Variants in ACO1 observed in about 807,000 individuals in gnomAD.
ACO1 encodes cytoplasmic aconitate hydratase.
Under a neutral mutation model 105.1 loss-of-function variants are expected in ACO1, and 78 were observed. The observed-to-expected ratio is 0.74, with a 90% CI of 0.62 to 0.90. The LOEUF is 0.90. Ranked by LOEUF, ACO1 falls within the 40% of genes least tolerant of loss-of-function variation. The pLI is 0.00. For missense variants in ACO1, 965 were observed against 1,111.1 expected, an observed-to-expected ratio of 0.87 and a Z score of 1.87; for synonymous variants, 364 against 397.4, an observed-to-expected ratio of 0.92 and a Z score of 1.00.
intron 1 of ACO1, among the ~76,000 whole-genome samples, chr9:32,387,118 C>T (rs1821171559): frequency 6.6e-6 from 1 of 152,166 alleles, no homozygotes; most frequent in South Asian, 2.1e-4. Context: ...CCTTCTTTCC[C>T]CCACTCTTCC....
intron 8 of ACO1, among the ~76,000 whole-genome samples, chr9:32,421,912 T>TTAG (rs1043018902): frequency 1.4e-4 from 21 of 152,314 alleles, no homozygotes; most frequent in African/African-American, 5.1e-4. Flanking sequence ...CAAATAAATC[T>TTAG]TAGTCTTCTG....
intron 1 of ACO1, among the ~76,000 whole-genome samples, chr9:32,386,067 A>T (rs1821151262): frequency 1.3e-5 from 2 of 152,232 alleles, no homozygotes; most frequent in South Asian, 4.1e-4. Flanking sequence ...AAGGCTTCGC[A>T]CATGCCTTTG....
rs1413881713 is a variant in ACO1, at chr9:32,453,706, G to A, written c.*3595G>A. The stretch of plus-strand genomic sequence containing the variant: ...TCCCTTTCAGGGCTCTAACAGGACT[G>A]TGGAGTAATGTACGGGGTTATGTAG... On this transcript the variant is annotated 3_prime_UTR_variant, in exon 21 of 21. Transcript: ENST00000309951. 2 of 152,212 alleles carry A rather than the reference G, an allele frequency of 1.3e-5. No homozygotes were observed. The highest frequency in any genetic ancestry group is 2.9e-5 in the Non-Finnish European group (2 of 68,026). The allele number at this position is 152,212 out of a possible 1,614,324, so 9.4% of individuals were successfully genotyped here.
At chr9:32,387,011 C>T (rs900493088) in intron 1 of ACO1, among the ~76,000 whole-genome samples, 1 of 152,120 alleles carries the variant, frequency 6.6e-6, no homozygotes, top group African/African-American at 2.4e-5. Flanking sequence ...CTAAAGTGTG[C>T]TTCAAAGGCA....
rs977375890 is a variant in ACO1 at position 32,439,733 on chromosome 9, A to G, written c.2248-732A>G. ...AGTTTGCACTTTATATAATTTCAGA[A>G]CATGTTACCTTCTTTGTGTTTTGCT... On this transcript the variant is annotated intron_variant, in intron 18 of 20. Coordinates refer to ENST00000309951, the MANE Select transcript of ACO1 (RefSeq NM_002197.3). The surrounding 1 kb of genome is among the most constrained non-coding windows in gnomAD (Gnocchi z 4.0). Among the ~76,000 whole-genome samples the G allele has an allele frequency of 1.3e-5, 2 of 152,246 alleles. No individual in the cohort carries two copies. Among genetic ancestry groups the G allele is most frequent in the African/African-American group, 4.8e-5 (2 of 41,468 alleles).
At chr9:32,407,812 C>G (rs1205675351) in intron 3 of ACO1, among the ~76,000 whole-genome samples, 1 of 152,192 alleles carries the variant, frequency 6.6e-6, no homozygotes, top group African/African-American at 2.4e-5. Flanking sequence ...AACACTTGTA[C>G]TTGAAACACT....
At chr9:32,419,393 T>G (rs1821921877) in intron 7 of ACO1, among the ~76,000 whole-genome samples, 1 of 152,264 alleles carries the variant, frequency 6.6e-6, no homozygotes. Flanking sequence ...GCATCGATCT[T>G]TTTCTTAAAG....
intron 1 of ACO1, among the ~76,000 whole-genome samples, chr9:32,391,796 AT>A (rs1308128230): frequency 6.6e-6 from 1 of 152,196 alleles, no homozygotes; most frequent in Non-Finnish European, 1.5e-5. Flanking sequence ...CCAGGTTTGA[AT>A]TTTTGGTTCA....
chr9:32,443,702 G>T (rs1391648592), intron 19 of ACO1, among the ~76,000 whole-genome samples: 1 of 152,144 alleles, frequency 6.6e-6, no homozygotes, highest in African/African-American at 2.4e-5. Flanking sequence ...ATAGAATGTA[G>T]TATGAGTGTA....
chr9:32,393,432 A>G (rs1239604585), intron 1 of ACO1, among the ~76,000 whole-genome samples: 1 of 152,170 alleles, frequency 6.6e-6, no homozygotes, highest in Non-Finnish European at 1.5e-5. Flanking sequence ...GTCTGCTTTC[A>G]AACCCTGTCT....
chr9:32,446,625 A>G (rs538245573), intron 19 of ACO1, among the ~76,000 whole-genome samples: 1 of 152,324 alleles, frequency 6.6e-6, no homozygotes, highest in African/African-American at 2.4e-5. Context: ...GGATCCTGTC[A>G]TTATGCTGTT....
In ACO1 at chr9:32,451,546, C is replaced by G. The variant is rs1822767571; in HGVS notation, c.*1435C>G. ...GTATAAGTCCCAGAGTCTGAATGCC[C>G]AGGAACAAGCAGGAGCTGTGATGTC... On this transcript the variant is annotated 3_prime_UTR_variant, in exon 21 of 21. Transcript: ENST00000309951. 6.6e-6 allele frequency: 1 copy of G among 152,056 alleles called. No homozygotes were observed. Among genetic ancestry groups the G allele is most frequent in the Non-Finnish European group, 1.5e-5 (1 of 68,032 alleles). 9.4% of individuals were successfully genotyped at this position (152,056 alleles called of 1,614,324 possible).
chr9:32,407,171 C>T, intron 2 of ACO1, 90 bp from the exon 3 acceptor site: 1 of 1,186,742 alleles, frequency 8.4e-7, no homozygotes, highest in South Asian at 1.4e-5. Flanking sequence ...AGTCTGATGC[C>T]TCATATCAAC....
intron 1 of ACO1, among the ~76,000 whole-genome samples, chr9:32,401,712 C>T (rs1051921921): frequency 7.9e-5 from 12 of 152,214 alleles, no homozygotes; most frequent in African/African-American, 2.9e-4. Flanking sequence ...CCTAGCTCTT[C>T]ACTCCTCCCA....
chr9:32,417,032 C>T (rs1221690943), intron 4 of ACO1, among the ~76,000 whole-genome samples: 4 of 152,272 alleles, frequency 2.6e-5, no homozygotes, highest in Non-Finnish European at 4.4e-5. Context: ...TTAACTATGA[C>T]GGGAAGTCCA....
Position 32,417,635 on chromosome 9 carries a change from C to T in ACO1, c.405-493C>T, listed in dbSNP as rs117322667. ...TCCTCATAAACCTTGGTCCTACACA[C>T]AGGAGATTGTGATTCTATAAGGTAC... On this transcript the variant is annotated intron_variant, in intron 4 of 20. Transcript: ENST00000309951. Among the ~76,000 whole-genome samples, 579 of 152,326 alleles carry T rather than the reference C, an allele frequency of 3.8e-3. 4 individuals are homozygous for T. Among genetic ancestry groups the T allele is most frequent in the Non-Finnish European group, 6.7e-3 (456 of 68,028 alleles).
rs1254282158 is a variant in ACO1, at chr9:32,454,133, G to A, written c.*4022G>A. The A allele has an allele frequency of 6.6e-6, 1 of 152,110 alleles. No homozygotes were observed. The highest frequency in any genetic ancestry group is 1.5e-5 in the Non-Finnish European group (1 of 68,022). The allele number at this position is 152,110 out of a possible 1,614,324, so 9.4% of individuals were successfully genotyped here. ...AACAGTTCCACGGTCAGTACATTTG[G>A]GAACCACTGAGTTAAATGGGTTTTA... is the stretch of plus-strand genomic sequence containing the variant. On this transcript the variant is annotated 3_prime_UTR_variant, in exon 21 of 21. Transcript: ENST00000309951.
intron 19 of ACO1, among the ~76,000 whole-genome samples, chr9:32,441,169 T>A (rs1487505364): frequency 1.3e-5 from 2 of 152,136 alleles, no homozygotes; most frequent in Non-Finnish European, 2.9e-5. Flanking sequence ...AGAGTGAAAC[T>A]CACTCTGCAC....
intron 9 of ACO1, among the ~76,000 whole-genome samples, 187 bp downstream of exon 9, chr9:32,423,606 A>G (rs192374542): frequency 5.5e-4 from 84 of 152,338 alleles, no homozygotes; most frequent in African/African-American, 2.0e-3. Flanking sequence ...AGAATAATAT[A>G]ACTTCTTACA....
Sources: allele counts gnomAD v4.1 joint callset (sites outside exome capture counted in the v4.1 genomes callset), GRCh38; gene constraint gnomAD v4.1.1; non-coding constraint Gnocchi (gnomAD v3.1); transcripts MANE v1.5; gene names NCBI Gene and HGNC (gene_info 2026-07-23, HGNC 2026-07-21).